The following PRIM2 variants were observed in gnomAD, a reference collection of about 807,000 sequenced individuals.
PRIM2 encodes the protein DNA primase large subunit.
In PRIM2, 39 loss-of-function variants were observed where a neutral mutation model predicts 67.3. The observed-to-expected ratio is 0.58, with a 90% CI of 0.45 to 0.76. The LOEUF (loss-of-function observed/expected upper bound fraction) is 0.76. PRIM2 is among the 30% of genes least tolerant of loss of function. PRIM2 has a pLI of 0.00. For synonymous variants in PRIM2, 143 were observed against 198.7 expected, an observed-to-expected ratio of 0.72 and a Z score of 2.36; for missense variants, 398 against 598.7, an observed-to-expected ratio of 0.66 and a Z score of 3.50.
chr6:57,519,404 G>C (rs1554348638), intron 8 of PRIM2, among the ~76,000 whole-genome samples: 6 of 152,232 alleles, frequency 3.9e-5, no homozygotes, highest in Non-Finnish European at 7.3e-5. Flanking sequence ...CTACGCCCAG[G>C]GGGGCCGTTC....
intron 7 of PRIM2, among the ~76,000 whole-genome samples, chr6:57,445,593 C>T (rs1772340148): frequency 6.6e-6 from 1 of 152,180 alleles, no homozygotes; most frequent in Admixed American, 6.5e-5. Context: ...TCTCACTGCC[C>T]TGTGTCCTTA....
intron 8 of PRIM2, among the ~76,000 whole-genome samples, chr6:57,510,636 G>A (rs1284936450): frequency 2.7e-5 from 4 of 149,078 alleles, no homozygotes; most frequent in Non-Finnish European, 4.5e-5. Context: ...CACTGCTGTT[G>A]CTTTATTATT....
intron 2 of PRIM2, among the ~76,000 whole-genome samples, chr6:57,319,960 GTA>G (rs1410015609): frequency 6.6e-6 from 1 of 152,220 alleles, no homozygotes; most frequent in African/African-American, 2.4e-5. Flanking sequence ...CCTTTGAACA[GTA>G]TGTAGCATCT....
At chr6:57,634,932 C>G (rs1398954898) in intron 13 of PRIM2, among the ~76,000 whole-genome samples, 2 of 152,146 alleles carry the variant, frequency 1.3e-5, no homozygotes, top group Non-Finnish European at 2.9e-5. Context: ...AGATCTCTCA[C>G]TGTGGACTTT....
intron 10 of PRIM2, among the ~76,000 whole-genome samples, chr6:57,580,660 T>G (rs1204641883): frequency 2.0e-5 from 3 of 152,216 alleles, no homozygotes; most frequent in African/African-American, 7.2e-5. Flanking sequence ...ATCTCTGGAA[T>G]GAAGTTCTTA....
chr6:57,485,732 G>A (rs1424879186), intron 7 of PRIM2, among the ~76,000 whole-genome samples: 3 of 152,140 alleles, frequency 2.0e-5, no homozygotes, highest in African/African-American at 4.8e-5. Context: ...GGCATTTAAC[G>A]AGTGTGTACC....
At chr6:57,595,430 A>G (rs1336219383) in intron 10 of PRIM2, among the ~76,000 whole-genome samples, 5 of 152,098 alleles carry the variant, frequency 3.3e-5, no homozygotes, top group Non-Finnish European at 7.4e-5. Flanking sequence ...CGGATAGCCT[A>G]TATTCAATTC....
At chr6:57,370,436 A>C (rs1304701606) in intron 5 of PRIM2, among the ~76,000 whole-genome samples, 1 of 152,222 alleles carries the variant, frequency 6.6e-6, no homozygotes, top group Non-Finnish European at 1.5e-5. Flanking sequence ...CAGTCATCCT[A>C]CATTTTTCAA....
At chr6:57,407,751 C>T (rs1161567284) in intron 7 of PRIM2, among the ~76,000 whole-genome samples, 3 of 152,094 alleles carry the variant, frequency 2.0e-5, no homozygotes, top group African/African-American at 7.2e-5. Flanking sequence ...AGGTCAAGAG[C>T]CTCTGAACTG....
intron 5 of PRIM2, among the ~76,000 whole-genome samples, chr6:57,376,401 G>T (rs1769767281): frequency 6.6e-6 from 1 of 152,182 alleles, no homozygotes; most frequent in Non-Finnish European, 1.5e-5. Flanking sequence ...GACTAAGGAG[G>T]TTGAGCATCT....
chr6:57,382,318 C>T, intron 7 of PRIM2, 150 bp downstream of exon 7: 1 of 887,458 alleles, frequency 1.1e-6, no homozygotes, highest in Non-Finnish European at 1.6e-6. Context: ...CTGTTAATCC[C>T]AAAATTCCTA....
chr6:57,385,339 T>G (rs2127342332), intron 7 of PRIM2, among the ~76,000 whole-genome samples: 1 of 152,136 alleles, frequency 6.6e-6, no homozygotes, highest in East Asian at 1.9e-4. Flanking sequence ...TTTTAAAAAA[T>G]TAATACTTTA....
intron 10 of PRIM2, among the ~76,000 whole-genome samples, chr6:57,542,971 C>CGCT (rs1234062532): frequency 6.6e-5 from 2 of 30,348 alleles, no homozygotes; most frequent in African/African-American, 3.1e-4. Flanking sequence ...GACGGAGTCT[C>CGCT]GCTGTCGCCC....
rs546659920 is a variant in PRIM2 at position 57,326,137 on chromosome 6, C to T, written c.459+92C>T. 5.0e-6 allele frequency: 7 copies of T among 1,400,762 alleles called. No individual in the cohort carries two copies. The East Asian group carries it at 1.4e-4, about 28-fold the overall frequency. 86.8% of individuals were successfully genotyped at this position (1,400,762 alleles called of 1,614,324 possible). A position where few individuals can be genotyped will look rare whatever the true frequency, so the allele number is the denominator to read the frequency against. ...CTGGTACTAATGTGTAGTGTGTTCT[C>T]TTTACATTCTCCAAGTACCTGCCTG... is the stretch of plus-strand genomic sequence containing the variant. On this transcript the variant is annotated intron_variant, in intron 5 of 13. Coordinates refer to ENST00000615550, the MANE Select transcript of PRIM2 (RefSeq NM_000947.5).
At chr6:57,573,609 G>C (rs1293609952) in intron 10 of PRIM2, among the ~76,000 whole-genome samples, 1 of 152,002 alleles carries the variant, frequency 6.6e-6, no homozygotes, top group African/African-American at 2.4e-5. Flanking sequence ...ACTCATATAA[G>C]CTTTTAAAGA....
At chr6:57,335,956 T>C (rs1414627247) in intron 5 of PRIM2, among the ~76,000 whole-genome samples, 2 of 151,862 alleles carry the variant, frequency 1.3e-5, no homozygotes. Context: ...AGTGGAAAAC[T>C]TTGAAAAAAA....
chr6:57,621,422 C>G (rs1226803726), intron 12 of PRIM2, among the ~76,000 whole-genome samples: 3 of 152,108 alleles, frequency 2.0e-5, no homozygotes, highest in Non-Finnish European at 4.4e-5. Flanking sequence ...GGAGGGGACA[C>G]ATTCAGACCA....
intron 13 of PRIM2, among the ~76,000 whole-genome samples, chr6:57,639,253 G>C (rs1777181715): frequency 6.6e-6 from 1 of 152,166 alleles, no homozygotes; most frequent in Non-Finnish European, 1.5e-5. Flanking sequence ...AGCCAAGGCA[G>C]TGTTTAGAGG....
intron 10 of PRIM2, among the ~76,000 whole-genome samples, chr6:57,581,262 C>T (rs1354216929): frequency 1.3e-5 from 2 of 152,022 alleles, no homozygotes; most frequent in South Asian, 2.1e-4. Flanking sequence ...CATCACTCGG[C>T]GTACTCCTGT....
Sources: allele counts gnomAD v4.1 joint callset (sites outside exome capture counted in the v4.1 genomes callset), GRCh38; gene constraint gnomAD v4.1.1; transcripts MANE v1.5; gene names NCBI Gene and HGNC (gene_info 2026-07-23, HGNC 2026-07-21).